SS18L1: variants seen among roughly 807,000 people sequenced by gnomAD.
The protein encoded by SS18L1 is calcium-responsive transactivator.
In SS18L1, 32 loss-of-function variants were observed where a neutral mutation model predicts 70.3. The ratio of observed to expected loss-of-function variants is 0.46; its 90% CI spans 0.34 to 0.61. SS18L1 has a LOEUF of 0.61. Ranked by LOEUF, SS18L1 falls within the 20% of genes least tolerant of loss-of-function variation. The probability of loss-of-function intolerance (pLI) is 0.01; values close to 1 mark genes in which losing one functional copy is unlikely to be tolerated. For missense variants in SS18L1, 430 were observed against 542.1 expected, an observed-to-expected ratio of 0.79 and a Z score of 2.05; for synonymous variants, 237 against 229.7, an observed-to-expected ratio of 1.03 and a Z score of -0.29.
At chr20:62,163,092 C>A (rs569297333) in intron 5 of SS18L1, among the ~76,000 whole-genome samples, 161 bp downstream of exon 5, 1 of 152,154 alleles carries the variant, frequency 6.6e-6, no homozygotes, top group Non-Finnish European at 1.5e-5. Flanking sequence ...TGAGAGCTTC[C>A]GGAGGGATGG....
intron 9 of SS18L1, among the ~76,000 whole-genome samples, chr20:62,173,638 G>T (rs1277207546): frequency 6.7e-6 from 1 of 150,272 alleles, no homozygotes; most frequent in Non-Finnish European, 1.5e-5. Flanking sequence ...GAACCAGGAG[G>T]TAGAGGTCGC....
At chr20:62,148,743 T>TC (rs1239796143) in intron 1 of SS18L1, among the ~76,000 whole-genome samples, 2 of 152,238 alleles carry the variant, frequency 1.3e-5, no homozygotes, top group African/African-American at 2.4e-5. Context: ...CTGGCCTCTG[T>TC]CCCCCCTCTG....
intron 1 of SS18L1, among the ~76,000 whole-genome samples, chr20:62,155,854 C>T (rs2057212321): frequency 6.6e-6 from 1 of 152,148 alleles, no homozygotes; most frequent in African/African-American, 2.4e-5. Flanking sequence ...CTGCTGCCAT[C>T]TTGTGCCCTC....
intron 1 of SS18L1, among the ~76,000 whole-genome samples, chr20:62,145,975 AACTT>A (rs2057017780): frequency 6.7e-6 from 1 of 148,846 alleles, no homozygotes; most frequent in African/African-American, 2.6e-5. Flanking sequence ...GGAAGTCTAC[AACTT>A]GTCCTTACAG....
At chr20:62,171,893 T>G (rs947885870) in intron 8 of SS18L1, among the ~76,000 whole-genome samples, 1 of 152,164 alleles carries the variant, frequency 6.6e-6, no homozygotes, top group East Asian at 1.9e-4. Flanking sequence ...TCGGGCACCG[T>G]GGCTCACGCC....
At chr20:62,160,652 G>A (rs993814487) in intron 3 of SS18L1, among the ~76,000 whole-genome samples, 1 of 152,200 alleles carries the variant, frequency 6.6e-6, no homozygotes, top group Non-Finnish European at 1.5e-5. Flanking sequence ...TCCTGCTGAC[G>A]GGGTTCCGGG....
In SS18L1 at chr20:62,158,640, G is replaced by A. The variant is rs750389179; in HGVS notation, c.70-32G>A. 15 of 1,608,896 alleles carry A rather than the reference G, an allele frequency of 9.3e-6. No individual in the cohort carries two copies. Among genetic ancestry groups the A allele is most frequent in the East Asian group, 4.5e-5 (2 of 44,844 alleles). ...TCCCGAGGGTCAGCGACAGCCCCGC[G>A]TCGGCAGCGCCCGCTCACGCTCTCT... On this transcript the variant is annotated intron_variant, in intron 1 of 10. Coordinates refer to ENST00000331758, the MANE Select transcript of SS18L1 (RefSeq NM_198935.3). This position sits in a 1 kb window ranked among gnomAD's most constrained non-coding sequence, Gnocchi z 4.5.
At chr20:62,167,339 G>A (rs1052449781) in intron 8 of SS18L1, among the ~76,000 whole-genome samples, 17 of 151,014 alleles carry the variant, frequency 1.1e-4, no homozygotes, top group Admixed American at 6.6e-4. Flanking sequence ...CACCGCGCCC[G>A]GCCGAGCTCA....
At position 62,158,837 on chromosome 20, in the gene SS18L1, A is replaced by G. The variant is rs987469545; in HGVS notation, c.146+89A>G. 3 of 1,611,260 alleles carry G rather than the reference A, an allele frequency of 1.9e-6. No individual in the cohort carries two copies. Among genetic ancestry groups the G allele is most frequent in the Middle Eastern group, 1.6e-4 (1 of 6,080 alleles). Reference sequence around the variant, plus strand: ...AGATACGTCCCAAGAGTCCCCCAGCACAGAGATCAGATAAGTCCCAGGAGT... The same window carrying G: ...AGATACGTCCCAAGAGTCCCCCAGCGCAGAGATCAGATAAGTCCCAGGAGT... On this transcript the variant is annotated intron_variant, in intron 2 of 10. Transcript: ENST00000331758. This position sits in a 1 kb window ranked among gnomAD's most constrained non-coding sequence, Gnocchi z 4.5.
At chr20:62,178,429 A>G (rs1370537023) in intron 10 of SS18L1, among the ~76,000 whole-genome samples, 2 of 151,946 alleles carry the variant, frequency 1.3e-5, no homozygotes, top group Non-Finnish European at 2.9e-5. Flanking sequence ...CTGGGATTGC[A>G]GGCGTGAGCC....
intron 1 of SS18L1, among the ~76,000 whole-genome samples, chr20:62,146,073 A>G (rs2057019956): frequency 6.6e-6 from 1 of 152,108 alleles, no homozygotes; most frequent in Non-Finnish European, 1.5e-5. Flanking sequence ...AAGGAGGTCT[A>G]CAACTTGTCC....
chr20:62,167,042 G>GTTTTTTTTTTT (rs1216570693), intron 8 of SS18L1, among the ~76,000 whole-genome samples: 22 of 88,130 alleles, frequency 2.5e-4, no homozygotes, highest in African/African-American at 8.3e-4. Flanking sequence ...GAGTTTGTTT[G>GTTTTTTTTTTT]TTTTTTTTTT....
chr20:62,154,424 C>A (rs567957769), intron 1 of SS18L1: 1 of 1,042,360 alleles, frequency 9.6e-7, no homozygotes, highest in East Asian at 5.6e-5. Context: ...ACGCAGAAGT[C>A]TCCCTCAGGA....
At chr20:62,171,300 T>A (rs2057527472) in intron 8 of SS18L1, among the ~76,000 whole-genome samples, 1 of 151,968 alleles carries the variant, frequency 6.6e-6, no homozygotes, top group South Asian at 2.1e-4. Context: ...GAAAACCCAC[T>A]CCCCCATGTC....
chr20:62,163,289 G>A (rs370190975), intron 5 of SS18L1, among the ~76,000 whole-genome samples, 169 bp from the exon 6 acceptor site: 53 of 152,258 alleles, frequency 3.5e-4, no homozygotes, highest in African/African-American at 1.1e-3. Context: ...CTTGCAGGGC[G>A]TCAGTGCAGG....
intron 1 of SS18L1, among the ~76,000 whole-genome samples, chr20:62,153,790 C>G (rs1021004311): frequency 6.6e-6 from 1 of 152,194 alleles, no homozygotes; most frequent in African/African-American, 2.4e-5. Flanking sequence ...CCTTTGGCTT[C>G]TCTTGGGTTG....
At chr20:62,172,889 A>G in intron 9 of SS18L1, 88 bp downstream of exon 9, 2 of 1,566,342 alleles carry the variant, frequency 1.3e-6, no homozygotes, top group South Asian at 1.1e-5. Context: ...CCCAGCCAGC[A>G]GAGCTACCCT....
At chr20:62,171,938 G>A (rs147238366) in intron 8 of SS18L1, among the ~76,000 whole-genome samples, 2,582 of 152,248 alleles carry the variant, frequency 0.017, 57 homozygotes, top group African/African-American at 0.057. Context: ...CAAGGTGAAC[G>A]GATCACAAGG....
intron 8 of SS18L1, among the ~76,000 whole-genome samples, chr20:62,169,945 G>A (rs1020771297): frequency 6.6e-6 from 1 of 152,232 alleles, no homozygotes. Context: ...AGGAGTGGAC[G>A]ACAGGGTGGT....
Sources: allele counts gnomAD v4.1 joint callset (sites outside exome capture counted in the v4.1 genomes callset), GRCh38; gene constraint gnomAD v4.1.1; non-coding constraint Gnocchi (gnomAD v3.1); transcripts MANE v1.5; gene names NCBI Gene and HGNC (gene_info 2026-07-23, HGNC 2026-07-21).